NSD1: variants seen among roughly 807,000 people sequenced by gnomAD.
NSD1 encodes nuclear receptor binding SET domain protein 1.
A neutral mutation model predicts 242.7 loss-of-function variants in NSD1; 26 were observed. The observed-to-expected ratio is 0.11, with a 90% CI of 0.08 to 0.15. The LOEUF is 0.15. NSD1 is among the 10% of genes least tolerant of loss of function. NSD1 has a pLI of 1.00. For missense variants in NSD1, 2,495 were observed against 3,272.8 expected (o/e 0.76, Z 5.80); for synonymous variants, 1,106 against 1,178.1 (o/e 0.94, Z 1.25).
intron 4 of NSD1, among the ~76,000 whole-genome samples, chr5:177,207,308 A>G (rs1762954145): frequency 6.6e-6 from 1 of 150,674 alleles, no homozygotes; most frequent in Non-Finnish European, 1.5e-5. Flanking sequence ...TTTGAGACAG[A>G]GTCTCGCTCT....
intron 2 of NSD1, among the ~76,000 whole-genome samples, chr5:177,157,871 G>C (rs987262050): frequency 6.6e-6 from 1 of 152,090 alleles, no homozygotes; most frequent in Admixed American, 6.6e-5. Context: ...GTGGCCTTTC[G>C]TGTCTGACTT....
In NSD1 at chr5:177,195,047, T is replaced by C. The variant is rs570585651; in HGVS notation, c.1063+3028T>C. 1.7e-4 allele frequency among the ~76,000 whole-genome samples: 26 copies of C among 152,132 alleles called. No homozygotes were observed. The South Asian group carries it at 2.3e-3, about 13-fold the overall frequency. On this transcript the variant is annotated intron_variant, in intron 3 of 22. Coordinates refer to ENST00000439151, the MANE Select transcript of NSD1 (RefSeq NM_022455.5). The stretch of plus-strand genomic sequence containing the variant: ...GTTGGCATGCTCCTACAATCCCAGC[T>C]ACTGGGGAGGCTGAGGCAGAAGAAT...
intron 2 of NSD1, among the ~76,000 whole-genome samples, chr5:177,145,084 C>CA (rs530282937): frequency 0.041 from 3,183 of 77,448 alleles, 61 homozygotes; most frequent in African/African-American, 0.063. Context: ...GACTTTGTCT[C>CA]AAAAAAAAAA....
chr5:177,179,702 C>T (rs1174653742), intron 2 of NSD1, among the ~76,000 whole-genome samples: 5 of 152,074 alleles, frequency 3.3e-5, no homozygotes, highest in Non-Finnish European at 5.9e-5. Context: ...TTGAAAACTA[C>T]CTCTGTGATG....
At chr5:177,256,840 A>G (rs1756509999) in intron 12 of NSD1, 111 bp from the exon 13 acceptor site, 6 of 846,694 alleles carry the variant, frequency 7.1e-6, no homozygotes, top group Non-Finnish European at 4.0e-6. Flanking sequence ...GGTTCAGACG[A>G]TGTCAAACCG....
At chr5:177,136,947 A>G (rs1562100950) in intron 2 of NSD1, 8 of 699,316 alleles carry the variant, frequency 1.1e-5, no homozygotes, top group Non-Finnish European at 2.6e-6. Flanking sequence ...ATCAGCTAGA[A>G]CTACAGTAGT....
chr5:177,224,133 T>C (rs2149868963), intron 5 of NSD1, among the ~76,000 whole-genome samples: 1 of 152,364 alleles, frequency 6.6e-6, no homozygotes, highest in African/African-American at 2.4e-5. Flanking sequence ...TTCAAGATCA[T>C]TTTGGCTCTT....
Position 177,238,657 on chromosome 5 carries a change from T to A in NSD1, c.4192+150T>A. 1.2e-6 allele frequency: 1 copy of A among 860,566 alleles called. No homozygotes were observed. The highest frequency in any genetic ancestry group is 1.9e-6 in the Non-Finnish European group (1 of 535,604). The allele number at this position is 860,566 out of a possible 1,614,324, so 53.3% of individuals were successfully genotyped here. A position where few individuals can be genotyped will look rare whatever the true frequency, so the allele number is the denominator to read the frequency against. On this transcript the variant is annotated intron_variant, in intron 7 of 22. Transcript: ENST00000439151. The surrounding 1 kb of genome is among the most constrained non-coding windows in gnomAD (Gnocchi z 4.6). ...GGAAATACTTAAAATGATGGTTAAT[T>A]AGATATAGTTACTAACCATGAACTG...
intron 9 of NSD1, among the ~76,000 whole-genome samples, chr5:177,245,037 G>A (rs1766169349): frequency 6.6e-6 from 1 of 152,172 alleles, no homozygotes; most frequent in Admixed American, 6.5e-5. Context: ...CACTTAGTGA[G>A]ACCCTGTCTC....
At chr5:177,239,719 T>C in intron 7 of NSD1, 37 bp from the exon 8 acceptor site, 2 of 1,268,308 alleles carry the variant, frequency 1.6e-6, no homozygotes, top group Non-Finnish European at 2.3e-6. Flanking sequence ...TGTGCCCAGT[T>C]TCTAAATCAT....
chr5:177,267,501 A>C, intron 14 of NSD1, 61 bp from the exon 15 acceptor site: 1 of 1,305,496 alleles, frequency 7.7e-7, no homozygotes, highest in South Asian at 1.2e-5. Flanking sequence ...ATGTGTATGG[A>C]TGTACACATA....
intron 2 of NSD1, among the ~76,000 whole-genome samples, chr5:177,152,743 C>T (rs912757183): frequency 6.0e-5 from 9 of 150,354 alleles, no homozygotes; most frequent in Admixed American, 2.0e-4. Context: ...GGATTACAGG[C>T]GTGAGCCACT....
At chr5:177,276,764 C>G (rs1441015002) in intron 17 of NSD1, among the ~76,000 whole-genome samples, 1 of 152,118 alleles carries the variant, frequency 6.6e-6, no homozygotes, top group African/African-American at 2.4e-5. Flanking sequence ...GCTGCCACTC[C>G]TGGCCTTTAA....
intron 2 of NSD1, among the ~76,000 whole-genome samples, chr5:177,153,468 A>G (rs953773032): frequency 6.6e-6 from 1 of 151,690 alleles, no homozygotes; most frequent in African/African-American, 2.4e-5. Flanking sequence ...AATGATTTCT[A>G]CTTGTTTACT....
At chr5:177,231,117 G>C (rs1485555877) in intron 5 of NSD1, among the ~76,000 whole-genome samples, 2 of 152,140 alleles carry the variant, frequency 1.3e-5, no homozygotes, top group African/African-American at 2.4e-5. Flanking sequence ...ACAGGGTTTT[G>C]TTCTGTTGTC....
chr5:177,220,914 T>C, intron 5 of NSD1: 1 of 410,476 alleles, frequency 2.4e-6, no homozygotes, highest in South Asian at 1.8e-5. Flanking sequence ...ATCCAGGCTG[T>C]AGTGCAGTGG....
intron 2 of NSD1, among the ~76,000 whole-genome samples, chr5:177,140,195 A>G (rs1756696876): frequency 6.6e-6 from 1 of 152,182 alleles, no homozygotes; most frequent in Non-Finnish European, 1.5e-5. Flanking sequence ...GTACTTTTAT[A>G]TTTAATTGGG....
chr5:177,203,977 G>A (rs1295988991), intron 3 of NSD1, 143 bp from the exon 4 acceptor site: 4 of 790,532 alleles, frequency 5.1e-6, no homozygotes, highest in South Asian at 2.9e-5. Flanking sequence ...CCTTGTGTAT[G>A]ATCTATTCTA....
At chr5:177,289,851 G>C (rs1252676001) in intron 21 of NSD1, among the ~76,000 whole-genome samples, 1 of 147,698 alleles carries the variant, frequency 6.8e-6, no homozygotes, top group Middle Eastern at 3.2e-3. Context: ...TTTTTGAGGT[G>C]GAGTCTCGCT....
Sources: gnomAD v4.1 joint callset for allele counts (sites outside exome capture counted in the v4.1 genomes callset) on GRCh38, gnomAD v4.1.1 for gene constraint, Gnocchi (gnomAD v3.1) non-coding constraint, MANE v1.5 for transcripts, NCBI Gene and HGNC (gene_info 2026-07-23, HGNC 2026-07-21) for gene names.